Variants in NRG1 observed in about 807,000 individuals in gnomAD.
NRG1 encodes neuregulin 1.
NRG1 carries 18 observed loss-of-function variants against 63.8 expected under a neutral mutation model. The observed-to-expected ratio is 0.28, with a 90% CI of 0.19 to 0.42. NRG1 has a LOEUF of 0.42. NRG1 is among the 10% of genes least tolerant of loss of function. The pLI is 1.00. For synonymous variants in NRG1, 302 were observed against 301.3 expected, an observed-to-expected ratio of 1.00 and a Z score of -0.02; for missense variants, 762 against 814.7, an observed-to-expected ratio of 0.94 and a Z score of 0.79.
At chr8:32,137,267 G>A (rs1274374228) in intron 1 of NRG1, among the ~76,000 whole-genome samples, 6 of 152,008 alleles carry the variant, frequency 3.9e-5, no homozygotes, top group Admixed American at 3.3e-4. Context: ...CCAACATGGC[G>A]AAACCCTGTC....
chr8:31,844,507 T>G (rs1275141317), intron 1 of NRG1, among the ~76,000 whole-genome samples: 2 of 152,172 alleles, frequency 1.3e-5, no homozygotes, highest in African/African-American at 4.8e-5. Context: ...GCTGAAAAGA[T>G]GTACCTCAAA....
chr8:31,874,303 A>T (rs1457575246), intron 1 of NRG1, among the ~76,000 whole-genome samples: 3 of 152,228 alleles, frequency 2.0e-5, no homozygotes, highest in Non-Finnish European at 4.4e-5. Context: ...CTTCATGCTA[A>T]TGCTGTTTTT....
At chr8:32,476,163 A>T (rs967265836) in intron 1 of NRG1, among the ~76,000 whole-genome samples, 1 of 152,206 alleles carries the variant, frequency 6.6e-6, no homozygotes, top group South Asian at 2.1e-4. Context: ...GAAAAAAGGA[A>T]AATTGGAGAA....
In NRG1 at chr8:32,389,744, T is replaced by C. The variant is rs190428215; in HGVS notation, c.38-206084T>C. 3.6e-5 allele frequency among the ~76,000 whole-genome samples: 5 copies of C among 138,020 alleles called. No homozygotes were observed. In the East Asian group the frequency reaches 9.9e-4, roughly 27 times the overall value. 90.5% of individuals were successfully genotyped at this position (138,020 alleles called of 152,430 possible). ...TTCTTACAAGGTCCTGCAGCTTTTC[T>C]TTCAGTCTTTCTTTCTTTTTTTTTT... On this transcript the variant is annotated intron_variant, in intron 1 of 10. Transcript: ENST00000519301.
At chr8:32,477,526 C>T (rs1824680256) in intron 1 of NRG1, among the ~76,000 whole-genome samples, 1 of 152,176 alleles carries the variant, frequency 6.6e-6, no homozygotes, top group Non-Finnish European at 1.5e-5. Flanking sequence ...GGTATATTAA[C>T]AAGTGAGACA....
At chr8:31,856,345 T>C (rs7016239) in intron 1 of NRG1, among the ~76,000 whole-genome samples, 2,049 of 152,266 alleles carry the variant, frequency 0.013, 55 homozygotes, top group African/African-American at 0.047. Context: ...CTTCCCTTCT[T>C]GCTTCATTTC....
At chr8:32,225,593 T>C (rs1846238173) in intron 1 of NRG1, among the ~76,000 whole-genome samples, 1 of 152,180 alleles carries the variant, frequency 6.6e-6, no homozygotes, top group Admixed American at 6.6e-5. Context: ...CCAGGCCCTG[T>C]GCTATATGTG....
At chr8:32,429,175 T>G (rs1817815759) in intron 1 of NRG1, among the ~76,000 whole-genome samples, 1 of 152,168 alleles carries the variant, frequency 6.6e-6, no homozygotes, top group Non-Finnish European at 1.5e-5. Flanking sequence ...TGTTTTACAA[T>G]ATGAATTGGG....
intron 1 of NRG1, among the ~76,000 whole-genome samples, chr8:31,673,405 T>C (rs1807362445): frequency 6.6e-6 from 1 of 152,224 alleles, no homozygotes; most frequent in East Asian, 1.9e-4. Context: ...ATGAGACTAA[T>C]AACTATGCTT....
chr8:32,538,162 C>T (rs372827938), intron 1 of NRG1, among the ~76,000 whole-genome samples: 3 of 152,022 alleles, frequency 2.0e-5, no homozygotes, highest in Admixed American at 6.6e-5. Flanking sequence ...GAGACAGTGA[C>T]CCTCTGAGGG....
intron 1 of NRG1, among the ~76,000 whole-genome samples, chr8:32,388,437 G>C (rs1271998350): frequency 6.6e-6 from 1 of 152,168 alleles, no homozygotes; most frequent in Non-Finnish European, 1.5e-5. Context: ...ACTATGGCTG[G>C]CTCTCTGGAG....
intron 1 of NRG1, among the ~76,000 whole-genome samples, chr8:32,416,161 G>A (rs892037611): frequency 2.3e-4 from 35 of 152,118 alleles, no homozygotes; most frequent in African/African-American, 8.5e-4. Flanking sequence ...TAGTTATCTG[G>A]AATAGTATAT....
intron 5 of NRG1, chr8:32,647,517 CGATA>C (rs1853876133): frequency 1.0e-6 from 1 of 985,208 alleles, no homozygotes; most frequent in Non-Finnish European, 1.2e-6. Context: ...AGAATTATTA[CGATA>C]TACTTTGATT....
chr8:31,895,590 A>G (rs1563537437), intron 1 of NRG1, among the ~76,000 whole-genome samples: 1 of 152,186 alleles, frequency 6.6e-6, no homozygotes, highest in Non-Finnish European at 1.5e-5. Context: ...TGCAAAACTC[A>G]AATACTTTTA....
chr8:32,167,297 G>A (rs1247105045), intron 1 of NRG1, among the ~76,000 whole-genome samples: 1 of 152,192 alleles, frequency 6.6e-6, no homozygotes, highest in African/African-American at 2.4e-5. Context: ...CTCCTGTTAC[G>A]TAAATCAGAA....
At chr8:32,491,901 T>G (rs1185374652) in intron 1 of NRG1, among the ~76,000 whole-genome samples, 2 of 152,162 alleles carry the variant, frequency 1.3e-5, no homozygotes, top group Non-Finnish European at 2.9e-5. Context: ...CCCCCTTATA[T>G]CCTTTTACTA....
intron 1 of NRG1, among the ~76,000 whole-genome samples, chr8:31,982,659 AG>A: frequency 6.6e-6 from 1 of 152,234 alleles, no homozygotes; most frequent in East Asian, 1.9e-4. Flanking sequence ...TGATGGCAAA[AG>A]GAACAACTGA....
intron 1 of NRG1, among the ~76,000 whole-genome samples, chr8:32,047,047 T>G (rs1216494713): frequency 6.6e-6 from 1 of 152,024 alleles, no homozygotes; most frequent in Non-Finnish European, 1.5e-5. Context: ...TCCCAACGTA[T>G]TTTTTTGCCC....
chr8:31,982,936 G>A (rs867040311), intron 1 of NRG1, among the ~76,000 whole-genome samples: 2 of 152,044 alleles, frequency 1.3e-5, no homozygotes, highest in Admixed American at 6.6e-5. Context: ...ATGCTGGCAG[G>A]GTTTTAAAAG....
Sources: allele counts gnomAD v4.1 joint callset (sites outside exome capture counted in the v4.1 genomes callset), GRCh38; gene constraint gnomAD v4.1.1; transcripts MANE v1.5; gene names NCBI Gene and HGNC (gene_info 2026-07-23, HGNC 2026-07-21).